The following F8 variants were observed in gnomAD, a reference collection of about 807,000 sequenced individuals.
The protein encoded by F8 is antihemophilic factor.
F8 carries 12 observed loss-of-function variants against 140.6 expected under a neutral mutation model. The observed-to-expected ratio is 0.09, with a 90% CI of 0.05 to 0.14. The LOEUF is 0.14. F8 is among the 10% of genes least tolerant of loss of function. The pLI is 1.00. For missense variants in F8, 1,354 were observed against 1,720.7 expected, an observed-to-expected ratio of 0.79 and a Z score of 3.77; for synonymous variants, 585 against 614.6, an observed-to-expected ratio of 0.95 and a Z score of 0.71.
chrX:154,891,267 A>G (rs1345848072), intron 22 of F8, among the ~76,000 whole-genome samples: 1 of 113,107 alleles, frequency 8.8e-6, no homozygotes, highest in Admixed American at 9.3e-5. Context: ...CACACTATTG[A>G]ATGTTAAGTA....
Position 154,851,559 on chromosome X carries a change from C to T in F8, c.6900+8873G>A, listed in dbSNP as rs139471717. ...TTCTTGCTAACACTTGTTATTTTCC[C>T]GCTTGACATTTTGTTTTTGTTTTTT... On this transcript the variant is annotated intron_variant, in intron 25 of 25. Coordinates refer to ENST00000360256, the MANE Select transcript of F8 (RefSeq NM_000132.4). Among the ~76,000 whole-genome samples the T allele has an allele frequency of 8.5e-3, 941 of 110,973 alleles. 10 individuals are homozygous for T. The highest frequency in any genetic ancestry group is 0.029 in the African/African-American group (890 of 30,590).
In F8 at chrX:154,931,284, A is replaced by G. The variant is rs1345691509; in HGVS notation, c.2506T>C (p.Ser836Pro). 8.3e-7 allele frequency: 1 copy of G among 1,211,312 alleles called. No individual in the cohort carries two copies. The highest frequency in any genetic ancestry group is 3.0e-5 in the East Asian group (1 of 33,841). The change falls in exon 14 of 26, where the codon TCT (serine) becomes CCT (proline). Residue 836 changes from serine (S) to proline (P), a missense_variant. Ser to Pro is a moderately conservative substitution (Grantham distance 74). Coordinates refer to ENST00000360256, the MANE Select transcript of F8 (RefSeq NM_000132.4). ...DLQEAKYETF[S>P]DDPSPGAIDS... ...ATTGCTCCAGGTGATGGATCATCAG[A>G]AAAAGTCTCATATTTGGCTTCTTGG... is the stretch of plus-strand genomic sequence containing the variant.
chrX:154,943,064 C>A (rs1301940124), intron 13 of F8, among the ~76,000 whole-genome samples: 1 of 111,869 alleles, frequency 8.9e-6, no homozygotes, highest in African/African-American at 3.3e-5. Context: ...CAATATCATA[C>A]TGAATGGGCA....
Position 154,929,331 on chromosome X carries a change from T to G in F8, c.4459A>C (p.Asn1487His). Residue 1487 changes from asparagine to histidine, a missense_variant, in exon 14 of 26, where the codon AAT becomes CAT. Coordinates refer to ENST00000360256, the MANE Select transcript of F8 (RefSeq NM_000132.4). ...TCAACTTTCTTGTATGTGACTGAAT[T>G]TGTGGCACTTGTCCCCAGGGAGCCA... ...EVGSLGTSATNSVTYKKVENT... is the reference protein window; with the variant it reads ...EVGSLGTSATHSVTYKKVENT... The G allele has an allele frequency of 8.3e-7, 1 of 1,211,926 alleles. No homozygotes were observed.
rs190860741 is a variant in F8, at chrX:155,004,847, C to A, written c.144-5247G>T. On this transcript the variant is annotated intron_variant, in intron 1 of 25. Transcript: ENST00000360256. ...GTGGTAGGACAGCTTGTTGAAGGCACAGCTGAGGCACTAGCTTAGACATAA... is the reference window on the plus strand; with the variant it reads ...GTGGTAGGACAGCTTGTTGAAGGCAAAGCTGAGGCACTAGCTTAGACATAA... Among the ~76,000 whole-genome samples, 16 of 112,208 alleles carry A rather than the reference C, an allele frequency of 1.4e-4. No individual in the cohort carries two copies. The East Asian group carries it at 4.5e-3, about 31-fold the overall frequency.
chrX:154,928,472 C>T (rs1569559664), intron 14 of F8, 99 bp downstream of exon 14: 4 of 764,316 alleles, frequency 5.2e-6, no homozygotes, highest in African/African-American at 2.1e-5. Context: ...TTTCAAGACA[C>T]CTTGATTTTT....
At chrX:154,928,476 G>T in intron 14 of F8, 95 bp downstream of exon 14, 1 of 804,892 alleles carries the variant, frequency 1.2e-6, no homozygotes, top group Non-Finnish European at 1.9e-6. Context: ...AAGACACCTT[G>T]ATTTTTCATC....
At chrX:154,970,238 T>A (rs1351423247) in intron 6 of F8, among the ~76,000 whole-genome samples, 4 of 112,193 alleles carry the variant, frequency 3.6e-5, no homozygotes, top group Non-Finnish European at 5.6e-5. Flanking sequence ...ACCCTATGAA[T>A]GTAGAAACCA....
chrX:154,928,783 T>C lies in F8; in HGVS notation c.5007A>G (p.Ile1669Met). The C allele has an allele frequency of 8.3e-7, 1 of 1,211,660 alleles. No homozygotes were observed. Among genetic ancestry groups the C allele is most frequent in the Non-Finnish European group, 1.1e-6 (1 of 895,391 alleles). The stretch of plus-strand genomic sequence containing the variant: ...GATCTGACTGAAGAGTAGTACGAGT[T>C]ATTTCCCGTTGATGGCGTTTCAAGA... ...PPVLKRHQRE[I>M]TRTTLQSDQE... The change falls in exon 14 of 26, where the codon ATA becomes ATG. Residue 1669 changes from isoleucine (I) to methionine (M), a missense_variant. Coordinates refer to ENST00000360256, the MANE Select transcript of F8 (RefSeq NM_000132.4).
intron 14 of F8, among the ~76,000 whole-genome samples, chrX:154,923,538 T>C (rs2073143214): frequency 8.9e-6 from 1 of 111,924 alleles, no homozygotes; most frequent in African/African-American, 3.3e-5. Flanking sequence ...CTGATGGTTT[T>C]AAAAAGAAGA....
intron 6 of F8, among the ~76,000 whole-genome samples, chrX:154,983,590 A>G (rs781790171): frequency 9.0e-6 from 1 of 111,695 alleles, no homozygotes; most frequent in Non-Finnish European, 1.9e-5. Flanking sequence ...GCCATCTCCT[A>G]TTGTTATTGT....
At chrX:154,841,122 T>A (rs1298855894) in intron 25 of F8, among the ~76,000 whole-genome samples, 1 of 110,506 alleles carries the variant, frequency 9.0e-6, no homozygotes, top group Non-Finnish European at 1.9e-5. Context: ...ATTTAATAGA[T>A]GTGACCAAAG....
At chrX:154,997,385 A>G (rs2124146462) in intron 2 of F8, among the ~76,000 whole-genome samples, 1 of 112,501 alleles carries the variant, frequency 8.9e-6, no homozygotes, top group Admixed American at 9.4e-5. Context: ...AATGGAGATC[A>G]TATTCTCAAG....
intron 21 of F8, chrX:154,897,423 A>T (rs939261201): frequency 8.9e-6 from 1 of 112,574 alleles, no homozygotes; most frequent in Non-Finnish European, 1.9e-5. Flanking sequence ...AGTAAACAAG[A>T]AAGAAAGCCC....
chrX:154,866,585 C>T (rs888119724), intron 22 of F8, among the ~76,000 whole-genome samples: 1 of 111,566 alleles, frequency 9.0e-6, no homozygotes. Flanking sequence ...TAAGAAAACA[C>T]GAAAATTCAC....
At chrX:154,970,556 T>A (rs1027258965) in intron 6 of F8, among the ~76,000 whole-genome samples, 5 of 111,981 alleles carry the variant, frequency 4.5e-5, no homozygotes, top group African/African-American at 1.6e-4. Context: ...TGGTGTACTA[T>A]TTCTGCATTC....
At chrX:155,005,498 C>T (rs1054070654) in intron 1 of F8, among the ~76,000 whole-genome samples, 2 of 110,713 alleles carry the variant, frequency 1.8e-5, no homozygotes, top group Admixed American at 1.9e-4. Flanking sequence ...TGATGAGTAC[C>T]AGTTGCAGAC....
chrX:154,945,624 C>T (rs797038029), intron 13 of F8, among the ~76,000 whole-genome samples: 34 of 111,974 alleles, frequency 3.0e-4, no homozygotes, highest in African/African-American at 6.5e-4. Context: ...TGACAAACTA[C>T]GGCTAATATC....
At chrX:154,970,200 A>T (rs954128496) in intron 6 of F8, among the ~76,000 whole-genome samples, 6 of 112,337 alleles carry the variant, frequency 5.3e-5, no homozygotes, top group African/African-American at 1.9e-4. Context: ...GTATTTTACA[A>T]GTTTTAATTC....
Sources: allele counts gnomAD v4.1 joint callset (sites outside exome capture counted in the v4.1 genomes callset), GRCh38; gene constraint gnomAD v4.1.1; transcripts MANE v1.5; gene names NCBI Gene and HGNC (gene_info 2026-07-23, HGNC 2026-07-21).